Variants in SRGN observed in about 807,000 individuals in gnomAD.
The protein encoded by SRGN is hematopoetic proteoglycan core peptide.
In SRGN, 2 loss-of-function variants were observed where a neutral mutation model predicts 9.5. That is an observed-to-expected ratio of 0.21 (90% confidence interval 0.09 to 0.66). The LOEUF is 0.66. Among genes scored for constraint, SRGN ranks in the 30% least tolerant of loss-of-function variants. The pLI is 0.83. For missense variants in SRGN, 170 were observed against 192.4 expected, an observed-to-expected ratio of 0.88 and a Z score of 0.69; for synonymous variants, 59 against 72.3, an observed-to-expected ratio of 0.82 and a Z score of 0.93.
At position 69,104,537 on chromosome 10, in the gene SRGN, AAT is replaced by A. The variant is rs1840360768; in HGVS notation, c.*419_*420del. 6.4e-6 allele frequency: 1 copy of A among 156,724 alleles called. No individual in the cohort carries two copies. Among genetic ancestry groups the A allele is most frequent in the Non-Finnish European group, 1.4e-5 (1 of 71,054 alleles). The allele number at this position is 156,724 out of a possible 1,614,324, so 9.7% of individuals were successfully genotyped here. A position where few individuals can be genotyped will look rare whatever the true frequency, so the allele number is the denominator to read the frequency against. On this transcript the variant is annotated 3_prime_UTR_variant, in exon 3 of 3. Transcript: ENST00000242465. ...CTTTTCTTATAAAAACAAAAAAAAA[AAT>A]AATGAAACACAGTGAATTTGTAGAG...
At chr10:69,095,546 AT>A (rs1249554072) in intron 1 of SRGN, among the ~76,000 whole-genome samples, 3 of 152,054 alleles carry the variant, frequency 2.0e-5, no homozygotes, top group African/African-American at 7.2e-5. Flanking sequence ...GCGGTGAAGT[AT>A]TTCTCACCAC....
At chr10:69,103,113 T>C (rs1314411503) in intron 2 of SRGN, among the ~76,000 whole-genome samples, 3 of 152,092 alleles carry the variant, frequency 2.0e-5, no homozygotes, top group Non-Finnish European at 1.5e-5. Context: ...CTAATTTTTG[T>C]ATTTTAAGTA....
At chr10:69,092,559 C>T (rs969435258) in intron 1 of SRGN, among the ~76,000 whole-genome samples, 2 of 152,178 alleles carry the variant, frequency 1.3e-5, no homozygotes, top group East Asian at 3.9e-4. Flanking sequence ...TTTGGGAGGC[C>T]AAGGCAAGTG....
intron 2 of SRGN, among the ~76,000 whole-genome samples, chr10:69,101,116 C>T (rs1317855696): frequency 6.6e-6 from 1 of 151,672 alleles, no homozygotes; most frequent in Non-Finnish European, 1.5e-5. Context: ...CAGGGTGTGC[C>T]ACTATGCCCA....
chr10:69,104,286 T>A lies in SRGN; in HGVS notation c.*166T>A. 3 of 908,934 alleles carry A rather than the reference T, an allele frequency of 3.3e-6. No individual in the cohort carries two copies. Among genetic ancestry groups the A allele is most frequent in the Non-Finnish European group, 4.8e-6 (3 of 627,920 alleles). 56.3% of individuals were successfully genotyped at this position (908,934 alleles called of 1,614,324 possible). On this transcript the variant is annotated 3_prime_UTR_variant, in exon 3 of 3. Transcript: ENST00000242465. ...TTTTTCTCATGAATTCTTAAAGGATTATGCTTTAATGCTGTTATCTATTTT... is the reference window on the plus strand; with the variant it reads ...TTTTTCTCATGAATTCTTAAAGGATAATGCTTTAATGCTGTTATCTATTTT...
chr10:69,094,755 A>AT (rs1446055542), intron 1 of SRGN, among the ~76,000 whole-genome samples: 1 of 151,774 alleles, frequency 6.6e-6, no homozygotes, highest in Non-Finnish European at 1.5e-5. Flanking sequence ...CATCCAGCTA[A>AT]TTTTTAAAAT....
intron 1 of SRGN, among the ~76,000 whole-genome samples, chr10:69,091,297 C>A (rs1309983459): frequency 6.6e-6 from 1 of 152,168 alleles, no homozygotes; most frequent in African/African-American, 2.4e-5. Context: ...CAGAGGTTTT[C>A]TTTATTTAAA....
At chr10:69,090,593 G>T (rs1247455021) in intron 1 of SRGN, among the ~76,000 whole-genome samples, 1 of 152,092 alleles carries the variant, frequency 6.6e-6, no homozygotes, top group Non-Finnish European at 1.5e-5. Context: ...TTCTTAGAGG[G>T]TCACCAGGCA....
rs116571869 is a variant in SRGN at position 69,103,547 on chromosome 10, A to C, written c.228-324A>C. Among the ~76,000 whole-genome samples, 509 of 152,264 alleles carry C rather than the reference A, an allele frequency of 3.3e-3. 2 individuals carry two copies. Among genetic ancestry groups the C allele is most frequent in the African/African-American group, 0.012 (478 of 41,562 alleles). ...AACAGAGCAAGACTCTGCCTCCAAAAATAAAAATTAAAATGATTTCTTAAG... is the reference window on the plus strand; with the variant it reads ...AACAGAGCAAGACTCTGCCTCCAAACATAAAAATTAAAATGATTTCTTAAG... On this transcript the variant is annotated intron_variant, in intron 2 of 2. Coordinates refer to ENST00000242465, the MANE Select transcript of SRGN (RefSeq NM_002727.4).
chr10:69,092,270 G>T (rs554316576), intron 1 of SRGN, among the ~76,000 whole-genome samples: 2 of 152,220 alleles, frequency 1.3e-5, no homozygotes, highest in Admixed American at 1.3e-4. Flanking sequence ...AACCTCAGGG[G>T]CTGGAACTGT....
At chr10:69,089,476 C>A (rs185480413) in intron 1 of SRGN, among the ~76,000 whole-genome samples, 1 of 152,102 alleles carries the variant, frequency 6.6e-6, no homozygotes, top group Non-Finnish European at 1.5e-5. Context: ...GCTGGGCATA[C>A]CCCAACCAGA....
chr10:69,101,809 G>A (rs1271589746), intron 2 of SRGN, among the ~76,000 whole-genome samples: 1 of 152,162 alleles, frequency 6.6e-6, no homozygotes, highest in Admixed American at 6.5e-5. Flanking sequence ...CACTTCGGGA[G>A]GCCAAGGCAG....
intron 1 of SRGN, 80 bp from the exon 2 acceptor site, chr10:69,097,004 T>A (rs1046572516): frequency 2.8e-5 from 41 of 1,458,838 alleles, no homozygotes; most frequent in East Asian, 4.8e-5. Flanking sequence ...GAAAAAAAAA[T>A]AAAAATAAAA....
chr10:69,099,604 G>A (rs1415062334), intron 2 of SRGN, among the ~76,000 whole-genome samples: 4 of 151,942 alleles, frequency 2.6e-5, no homozygotes, highest in East Asian at 1.9e-4. Flanking sequence ...CATTCCCAGC[G>A]CTGGTGACTT....
At chr10:69,088,368 G>T (rs1352398061) in intron 1 of SRGN, 132 bp downstream of exon 1, 2 of 752,180 alleles carry the variant, frequency 2.7e-6, no homozygotes, top group Non-Finnish European at 4.4e-6. Context: ...AGGATTTGGG[G>T]TCGCTGAACC....
At position 69,103,877 on chromosome 10, in the gene SRGN, G is replaced by A. The variant is rs371466995; in HGVS notation, c.234G>A (p.Thr78=). The A allele has an allele frequency of 8.1e-5, 130 of 1,612,462 alleles. No homozygotes were observed. The highest frequency in any genetic ancestry group is 1.6e-4 in the Middle Eastern group (1 of 6,072). The change falls in exon 3 of 3, where the codon ACG becomes ACA. Residue 78 remains threonine, a synonymous_variant. Transcript: ENST00000242465. The part of the protein sequence containing the change: ...PRLRTDLFPK[T]RIQDLNRIFP... ...TTTTTCTTTCATACTTCAGAAAGACGAGAATCCAGGACTTGAATCGTATCT... is the reference window on the plus strand; with the variant it reads ...TTTTTCTTTCATACTTCAGAAAGACAAGAATCCAGGACTTGAATCGTATCT...
In SRGN at chr10:69,102,436, C is replaced by T. The variant is rs539873635; in HGVS notation, c.228-1435C>T. On this transcript the variant is annotated intron_variant, in intron 2 of 2. Transcript: ENST00000242465. Reference sequence around the variant, plus strand: ...ATAAAAACTTCTTGAGAAGGGGCTTCATCGATCTGCCTCTGTTCTATCCCA... The same window carrying T: ...ATAAAAACTTCTTGAGAAGGGGCTTTATCGATCTGCCTCTGTTCTATCCCA... 3.9e-5 allele frequency among the ~76,000 whole-genome samples: 6 copies of T among 152,344 alleles called. No individual in the cohort carries two copies. In the East Asian group the frequency reaches 1.2e-3, roughly 29 times the overall value.
intron 2 of SRGN, among the ~76,000 whole-genome samples, chr10:69,097,679 G>A (rs1037516412): frequency 4.6e-5 from 7 of 152,010 alleles, no homozygotes; most frequent in African/African-American, 1.5e-4. Context: ...CGCCCGCCTT[G>A]ACCTCCCAAA....
At chr10:69,094,415 G>A (rs1840131950) in intron 1 of SRGN, among the ~76,000 whole-genome samples, 1 of 151,930 alleles carries the variant, frequency 6.6e-6, no homozygotes. Flanking sequence ...GAGGAATATT[G>A]TTTATTATAG....
Sources: gnomAD v4.1 joint callset for allele counts (sites outside exome capture counted in the v4.1 genomes callset) on GRCh38, gnomAD v4.1.1 for gene constraint, MANE v1.5 for transcripts, NCBI Gene and HGNC (gene_info 2026-07-23, HGNC 2026-07-21) for gene names.